LOC122539214: variants seen among roughly 807,000 people sequenced by gnomAD.
chr19:52,660,773 C>A, the LOC122539214 span: 1 of 213,358 alleles, frequency 4.7e-6, no homozygotes. Flanking sequence ...TGAGGAAGAG[C>A]CATCCTTGTC....
the LOC122539214 span, among the ~76,000 whole-genome samples, chr19:52,687,656 T>TAA: frequency 5.3e-5 from 1 of 18,700 alleles, no homozygotes; most frequent in Non-Finnish European, 9.2e-5. Flanking sequence ...TATATATATA[T>TAA]AATGTATATA....
chr19:52,689,764 T>C, the LOC122539214 span, among the ~76,000 whole-genome samples: 18 of 151,940 alleles, frequency 1.2e-4, no homozygotes, highest in South Asian at 4.1e-4. Flanking sequence ...GTCCGTCTCC[T>C]GATCCCTTTG....
the LOC122539214 span, among the ~76,000 whole-genome samples, chr19:52,688,801 A>G: frequency 6.6e-6 from 1 of 152,206 alleles, no homozygotes; most frequent in Admixed American, 6.6e-5. Flanking sequence ...CAATGTGGCA[A>G]GGCAAGGTTT....
the LOC122539214 span, among the ~76,000 whole-genome samples, chr19:52,661,630 G>C: frequency 6.6e-6 from 1 of 152,198 alleles, no homozygotes; most frequent in African/African-American, 2.4e-5. Flanking sequence ...AACCTAATGT[G>C]AAGTCAGGGT....
the LOC122539214 span, among the ~76,000 whole-genome samples, chr19:52,683,530 G>GGGCGCATCACCTGCTGGT: frequency 1.2e-5 from 1 of 83,578 alleles, no homozygotes; most frequent in African/African-American, 7.3e-5. Flanking sequence ...CCAAAGGGAA[G>GGGCGCATCACCTGCTGGT]GGCAAAGTCC....
chr19:52,684,225 C>T, the LOC122539214 span, among the ~76,000 whole-genome samples: 3 of 151,918 alleles, frequency 2.0e-5, no homozygotes, highest in Non-Finnish European at 4.4e-5. Context: ...AAAAAGTAGC[C>T]TGGCTTGGTG....
chr19:52,668,512 T>C, the LOC122539214 span, among the ~76,000 whole-genome samples: 1 of 152,178 alleles, frequency 6.6e-6, no homozygotes, highest in Non-Finnish European at 1.5e-5. Context: ...AAGGATCCTA[T>C]AGGCTTCTTT....
chr19:52,656,949 A>G, the LOC122539214 span, among the ~76,000 whole-genome samples: 19 of 152,108 alleles, frequency 1.2e-4, no homozygotes, highest in Admixed American at 2.6e-4. Flanking sequence ...ACACACTTCA[A>G]TTAACTTCAG....
At chr19:52,659,650 G>A in the LOC122539214 span, among the ~76,000 whole-genome samples, 21 of 148,376 alleles carry the variant, frequency 1.4e-4, no homozygotes, top group African/African-American at 5.0e-4. Context: ...TCACAGAAGT[G>A]AGTGAGAAGA....
the LOC122539214 span, among the ~76,000 whole-genome samples, chr19:52,662,268 C>A: frequency 6.6e-6 from 1 of 152,154 alleles, no homozygotes; most frequent in African/African-American, 2.4e-5. Flanking sequence ...TACCCTGTCA[C>A]CCTCATCTGA....
chr19:52,673,804 C>A, the LOC122539214 span, among the ~76,000 whole-genome samples: 2 of 150,996 alleles, frequency 1.3e-5, no homozygotes, highest in African/African-American at 4.9e-5. Flanking sequence ...CACCTCAGGT[C>A]AAAAGTTCGA....
the LOC122539214 span, chr19:52,653,178 G>A: frequency 1.3e-6 from 2 of 1,501,150 alleles, no homozygotes; most frequent in African/African-American, 1.4e-5. Context: ...GTCTACGATG[G>A]CCCACAAGGG....
the LOC122539214 span, among the ~76,000 whole-genome samples, chr19:52,687,594 AT>A: frequency 1.0e-4 from 4 of 38,268 alleles, 1 homozygote. Flanking sequence ...ATATATATAT[AT>A]AATGTATATA....
the LOC122539214 span, among the ~76,000 whole-genome samples, chr19:52,668,940 C>A: frequency 0.077 from 11,733 of 152,210 alleles, 1,522 homozygotes; most frequent in African/African-American, 0.27. Flanking sequence ...CCCTCCAGGG[C>A]CATCCAGCTT....
chr19:52,654,583 G>C, the LOC122539214 span, among the ~76,000 whole-genome samples: 1 of 152,146 alleles, frequency 6.6e-6, no homozygotes, highest in Non-Finnish European at 1.5e-5. Context: ...CAGGCATGGT[G>C]GTGGATGCCT....
At chr19:52,659,861 A>G in the LOC122539214 span, among the ~76,000 whole-genome samples, 60,348 of 151,992 alleles carry the variant, frequency 0.4, 12,565 homozygotes, top group African/African-American at 0.49. Context: ...AAGAAGAGCT[A>G]ACTCTCACCC....
At chr19:52,682,971 A>G in the LOC122539214 span, among the ~76,000 whole-genome samples, 6 of 152,076 alleles carry the variant, frequency 3.9e-5, no homozygotes, top group African/African-American at 1.4e-4. Flanking sequence ...TCCGGGTTCA[A>G]GTGATTCTCC....
the LOC122539214 span, chr19:52,652,540 C>T: frequency 2.2e-6 from 1 of 449,106 alleles, no homozygotes; most frequent in Non-Finnish European, 4.6e-6. Context: ...GAAGACCTTG[C>T]TGCAATCATG....
At chr19:52,682,001 C>T in the LOC122539214 span, among the ~76,000 whole-genome samples, 1 of 152,124 alleles carries the variant, frequency 6.6e-6, no homozygotes, top group African/African-American at 2.4e-5. Context: ...GCACCTGCCA[C>T]CACACCCAGC....
Sources: allele counts gnomAD v4.1 joint callset (sites outside exome capture counted in the v4.1 genomes callset), GRCh38; gene constraint gnomAD v4.1.1; transcripts MANE v1.5.